The following SSH1 variants were observed in gnomAD, a reference collection of about 807,000 sequenced individuals.
The protein encoded by SSH1 is slingshot protein phosphatase 1.
SSH1 carries 43 observed loss-of-function variants against 79.7 expected under a neutral mutation model. The observed-to-expected ratio is 0.54, with a 90% confidence interval of 0.42 to 0.70. The LOEUF (loss-of-function observed/expected upper bound fraction) is 0.70, where lower values mean the gene tolerates loss of function less well. Ranked by LOEUF, SSH1 falls within the 30% of genes least tolerant of loss-of-function variation. SSH1 has a pLI of 0.00. For synonymous variants in SSH1, 599 were observed against 538.3 expected, an observed-to-expected ratio of 1.11 and a Z score of -1.56; for missense variants, 1,206 against 1,358.8, an observed-to-expected ratio of 0.89 and a Z score of 1.77.
At chr12:108,854,426 T>C (rs527582515) in intron 1 of SSH1, among the ~76,000 whole-genome samples, 29 of 152,244 alleles carry the variant, frequency 1.9e-4, no homozygotes, top group Non-Finnish European at 3.4e-4. Flanking sequence ...GTGCTCTGCC[T>C]GTTCACACAA....
At chr12:108,847,093 C>T (rs1258595386) in intron 2 of SSH1, among the ~76,000 whole-genome samples, 2 of 152,104 alleles carry the variant, frequency 1.3e-5, no homozygotes, top group Non-Finnish European at 2.9e-5. Flanking sequence ...GAGATGGGGT[C>T]TTGCCATGTT....
In SSH1 at chr12:108,789,268, T is replaced by G. The variant is rs780066348; in HGVS notation, c.1894-24A>C. 5 of 1,577,324 alleles carry G rather than the reference T, an allele frequency of 3.2e-6. No individual in the cohort carries two copies. In the African/African-American group the frequency reaches 6.7e-5, roughly 21 times the overall value. On this transcript the variant is annotated intron_variant, in intron 14 of 14. Transcript: ENST00000326495. ...TCCTGCAAGGAAGGGGACAAGAGCATGGTGAGACGGTGCAGTCATGAGCCA... is the reference window on the plus strand; with the variant it reads ...TCCTGCAAGGAAGGGGACAAGAGCAGGGTGAGACGGTGCAGTCATGAGCCA...
In SSH1 at chr12:108,779,248, T is replaced by A. The variant is rs1320201755; in HGVS notation, c.*8740A>T. 1 of 152,208 alleles carries A rather than the reference T, an allele frequency of 6.6e-6. No homozygotes were observed. The highest frequency in any genetic ancestry group is 1.9e-4 in the East Asian group (1 of 5,204). The allele number at this position is 152,208 out of a possible 1,614,324, so 9.4% of individuals were successfully genotyped here. On this transcript the variant is annotated 3_prime_UTR_variant, in exon 15 of 15. Coordinates refer to ENST00000326495, the MANE Select transcript of SSH1 (RefSeq NM_018984.4). ...GGACTCTTAACAAGGTACTTCAGGA[T>A]GCACAATTTCCATTTAAAGGCAAAA...
At chr12:108,840,512 G>A (rs2038750581) in intron 2 of SSH1, among the ~76,000 whole-genome samples, 1 of 151,394 alleles carries the variant, frequency 6.6e-6, no homozygotes, top group Admixed American at 6.6e-5. Context: ...TAGCCTGGGT[G>A]ACGGAGCAAG....
rs767419477 is a variant in SSH1 at position 108,799,160 on chromosome 12, C to A, written c.1189G>T (p.Val397Leu). ...SKCLVHCKMG[V>L]SRSASTVIAY... The stretch of plus-strand genomic sequence containing the variant: ...ATGACTGTGGAGGCCGAGCGACTCA[C>A]GCCCATTTTGCAATGCACCAGGCAC... Residue 397 changes from valine to leucine, a missense_variant, in exon 13 of 15, where the codon GTG becomes TTG. Transcript: ENST00000326495. The A allele has an allele frequency of 5.6e-6, 9 of 1,614,020 alleles. No individual in the cohort carries two copies. The highest frequency in any genetic ancestry group is 4.0e-5 in the African/African-American group (3 of 74,926).
intron 2 of SSH1, chr12:108,826,198 TCCTTTGG>T: frequency 2.3e-6 from 1 of 443,772 alleles, no homozygotes; most frequent in Non-Finnish European, 4.5e-6. Context: ...CCCTTATATT[TCCTTTGG>T]AAAAAAAAAG....
rs377077491 is a variant in SSH1 at position 108,806,368 on chromosome 12, C to T, written c.758G>A (p.Arg253His). The change falls in exon 9 of 15, where the codon CGC (arginine) becomes CAC (histidine). Residue 253 changes from arginine to histidine, a missense_variant. Transcript: ENST00000326495. ...GCTTCGGAGCTTGGCTTTGATGAGGCGCTCGGTCCTTTCCCCTTCAGTGGG... is the reference window on the plus strand; with the variant it reads ...GCTTCGGAGCTTGGCTTTGATGAGGTGCTCGGTCCTTTCCCCTTCAGTGGG... ...DKPTEGERTE[R>H]LIKAKLRSIM... is the part of the protein sequence containing the mutation. 3.8e-5 allele frequency: 61 copies of T among 1,613,960 alleles called. No homozygotes were observed. The highest frequency in any genetic ancestry group is 4.4e-5 in the Non-Finnish European group (52 of 1,180,020).
At chr12:108,818,912 C>T (rs1173133619) in intron 3 of SSH1, among the ~76,000 whole-genome samples, 1 of 152,194 alleles carries the variant, frequency 6.6e-6, no homozygotes, top group Non-Finnish European at 1.5e-5. Context: ...CATCACCAGA[C>T]CCGGCTAATT....
chr12:108,804,797 T>C (rs2037192963), intron 10 of SSH1, among the ~76,000 whole-genome samples: 2 of 152,194 alleles, frequency 1.3e-5, no homozygotes, highest in African/African-American at 4.8e-5. Flanking sequence ...ACATGCCAGT[T>C]GACTACGCCA....
At chr12:108,803,778 C>T (rs1385221041) in intron 10 of SSH1, among the ~76,000 whole-genome samples, 1 of 152,148 alleles carries the variant, frequency 6.6e-6, no homozygotes, top group African/African-American at 2.4e-5. Flanking sequence ...GATCAGTGCC[C>T]AGGACTGCCC....
intron 2 of SSH1, among the ~76,000 whole-genome samples, chr12:108,829,924 A>G (rs1283252994): frequency 6.6e-6 from 1 of 152,174 alleles, no homozygotes; most frequent in Non-Finnish European, 1.5e-5. Context: ...CAACGTAACA[A>G]GATCCCATCT....
intron 2 of SSH1, among the ~76,000 whole-genome samples, chr12:108,835,190 C>T (rs1201138409): frequency 6.6e-6 from 1 of 152,188 alleles, no homozygotes; most frequent in Non-Finnish European, 1.5e-5. Context: ...ACACCAATAA[C>T]ATCTTCGTTG....
chr12:108,798,612 G>A (rs1229767099), intron 13 of SSH1, among the ~76,000 whole-genome samples: 6 of 152,186 alleles, frequency 3.9e-5, no homozygotes, highest in Non-Finnish European at 7.3e-5. Context: ...GTGCCTCTCC[G>A]AGTCCTTGGC....
chr12:108,806,420 G>T, intron 8 of SSH1, 26 bp from the exon 9 acceptor site: 1 of 1,604,206 alleles, frequency 6.2e-7, no homozygotes, highest in Non-Finnish European at 8.5e-7. Flanking sequence ...GTTTAGGAGA[G>T]CAAGGAGCTG....
intron 10 of SSH1, 92 bp from the exon 11 acceptor site, chr12:108,802,460 G>A: frequency 1.7e-6 from 2 of 1,205,850 alleles, no homozygotes; most frequent in South Asian, 1.2e-5. Context: ...CTCTGGCGGT[G>A]AGGTCTTATT....
intron 5 of SSH1, among the ~76,000 whole-genome samples, chr12:108,813,604 T>C (rs2037730241): frequency 6.6e-6 from 1 of 150,566 alleles, no homozygotes; most frequent in Non-Finnish European, 1.5e-5. Context: ...CCTCGGCTAC[T>C]CAGGGGGCTG....
chr12:108,827,259 G>T, intron 2 of SSH1: 1 of 1,547,518 alleles, frequency 6.5e-7, no homozygotes, highest in African/African-American at 1.4e-5. Context: ...GTGGTCATAC[G>T]TACTAATTTG....
intron 2 of SSH1, among the ~76,000 whole-genome samples, chr12:108,850,535 A>T: frequency 6.2e-5 from 1 of 16,198 alleles, no homozygotes; most frequent in Non-Finnish European, 1.1e-4. Context: ...AGGGGGATCT[A>T]GGGAGGAAAT....
At chr12:108,800,031 C>T (rs2036921105) in intron 12 of SSH1, among the ~76,000 whole-genome samples, 2 of 152,184 alleles carry the variant, frequency 1.3e-5, no homozygotes, top group African/African-American at 2.4e-5. Context: ...AACTGCTGGT[C>T]TGAAGTTTCC....
Sources: gnomAD v4.1 joint callset for allele counts (sites outside exome capture counted in the v4.1 genomes callset) on GRCh38, gnomAD v4.1.1 for gene constraint, MANE v1.5 for transcripts, NCBI Gene and HGNC (gene_info 2026-07-23, HGNC 2026-07-21) for gene names.